The following CCDC148 variants were observed in gnomAD, a reference collection of about 807,000 sequenced individuals.
CCDC148 encodes coiled-coil domain containing 148.
Under a neutral mutation model 85.7 loss-of-function variants are expected in CCDC148, and 89 were observed. The ratio of observed to expected loss-of-function variants is 1.04; its 90% CI spans 0.87 to 1.24. The LOEUF (loss-of-function observed/expected upper bound fraction) is 1.24. CCDC148 is among the 50% of genes most tolerant of loss of function. The pLI, the probability that CCDC148 is intolerant of heterozygous loss-of-function variation, is 0.00. For synonymous variants in CCDC148, 230 were observed against 213.9 expected (o/e 1.08, Z -0.66); for missense variants, 692 against 671.7 (o/e 1.03, Z -0.33).
intron 9 of CCDC148, among the ~76,000 whole-genome samples, chr2:158,301,786 A>C (rs1391339044): frequency 6.6e-6 from 1 of 152,224 alleles, no homozygotes; most frequent in African/African-American, 2.4e-5. Context: ...TCAGGATGGA[A>C]GAGCCTTGCT....
At chr2:158,264,216 C>T (rs993763780) in intron 9 of CCDC148, among the ~76,000 whole-genome samples, 2 of 152,020 alleles carry the variant, frequency 1.3e-5, no homozygotes, top group Non-Finnish European at 2.9e-5. Context: ...AAATAGGAAA[C>T]CTTCAATGAG....
intron 9 of CCDC148, among the ~76,000 whole-genome samples, chr2:158,271,973 C>T (rs1689717206): frequency 6.6e-6 from 1 of 152,170 alleles, no homozygotes; most frequent in Non-Finnish European, 1.5e-5. Flanking sequence ...ATCCTACATC[C>T]TTTGCTTCCA....
At chr2:158,193,605 A>C (rs1378886523) in intron 11 of CCDC148, among the ~76,000 whole-genome samples, 1 of 152,098 alleles carries the variant, frequency 6.6e-6, no homozygotes, top group African/African-American at 2.4e-5. Context: ...CAAAGAATAA[A>C]AAAAGCCACA....
chr2:158,386,268 C>T (rs1685083020), intron 1 of CCDC148, among the ~76,000 whole-genome samples: 2 of 152,020 alleles, frequency 1.3e-5, no homozygotes, highest in South Asian at 2.1e-4. Context: ...TTCAAGGATG[C>T]ACATTTAGAA....
chr2:158,352,366 C>G (rs1683359782), intron 2 of CCDC148, among the ~76,000 whole-genome samples: 1 of 152,128 alleles, frequency 6.6e-6, no homozygotes, highest in Non-Finnish European at 1.5e-5. Flanking sequence ...ATAACCAACA[C>G]AGAGAACTGC....
chr2:158,306,445 T>C (rs1231400425), intron 9 of CCDC148, among the ~76,000 whole-genome samples: 15 of 151,958 alleles, frequency 9.9e-5, no homozygotes, highest in Non-Finnish European at 2.1e-4. Context: ...CCATCAATGA[T>C]AGACTGGATT....
At chr2:158,208,968 A>G (rs1207460541) in intron 11 of CCDC148, among the ~76,000 whole-genome samples, 3 of 152,048 alleles carry the variant, frequency 2.0e-5, no homozygotes, top group African/African-American at 7.2e-5. Context: ...AAAAACCCAG[A>G]TTATAAACAT....
At chr2:158,262,905 C>T (rs371141829) in intron 9 of CCDC148, among the ~76,000 whole-genome samples, 3 of 152,074 alleles carry the variant, frequency 2.0e-5, no homozygotes, top group South Asian at 2.1e-4. Context: ...AAAGAAAACT[C>T]GGATTGGCAA....
intron 2 of CCDC148, among the ~76,000 whole-genome samples, chr2:158,353,281 C>A (rs535993134): frequency 7.4e-6 from 1 of 135,754 alleles, no homozygotes; most frequent in Non-Finnish European, 1.6e-5. Context: ...CACAGACTGG[C>A]AAATTGGATA....
At chr2:158,252,508 G>A (rs1688834783) in intron 9 of CCDC148, among the ~76,000 whole-genome samples, 1 of 151,632 alleles carries the variant, frequency 6.6e-6, no homozygotes, top group Non-Finnish European at 1.5e-5. Context: ...CGTATTACCA[G>A]TGATCTACCC....
At chr2:158,330,122 C>T (rs1180305648) in intron 7 of CCDC148, among the ~76,000 whole-genome samples, 4 of 152,260 alleles carry the variant, frequency 2.6e-5, no homozygotes, top group African/African-American at 4.8e-5. Flanking sequence ...TTTGCCCATT[C>T]AGTATGATAT....
intron 1 of CCDC148, among the ~76,000 whole-genome samples, chr2:158,373,493 C>A (rs1009364722): frequency 6.6e-6 from 1 of 151,970 alleles, no homozygotes; most frequent in Non-Finnish European, 1.5e-5. Flanking sequence ...TGTGCTGTTG[C>A]CTCTCTGACC....
intron 11 of CCDC148, among the ~76,000 whole-genome samples, chr2:158,219,887 G>T (rs1374940482): frequency 6.6e-6 from 1 of 152,070 alleles, no homozygotes; most frequent in African/African-American, 2.4e-5. Context: ...CAGCCCTAGG[G>T]TATTCTTTAG....
At chr2:158,413,087 A>G (rs1313897018) in intron 1 of CCDC148, among the ~76,000 whole-genome samples, 1 of 152,120 alleles carries the variant, frequency 6.6e-6, no homozygotes, top group Admixed American at 6.5e-5. Context: ...AAGGTACTAA[A>G]ATAAACTTAC....
At chr2:158,173,771 T>C (rs1684433389) in intron 13 of CCDC148, among the ~76,000 whole-genome samples, 1 of 152,102 alleles carries the variant, frequency 6.6e-6, no homozygotes, top group South Asian at 2.1e-4. Context: ...GTCTTCTCCC[T>C]GGTCTGCTCT....
At chr2:158,286,662 TG>T (rs1366929655) in intron 9 of CCDC148, among the ~76,000 whole-genome samples, 2 of 152,052 alleles carry the variant, frequency 1.3e-5, no homozygotes, top group East Asian at 3.9e-4. Context: ...ACAAATAAAA[TG>T]GAATGGAGGG....
Position 158,340,605 on chromosome 2 carries a change from T to C in CCDC148, c.327A>G (p.Thr109=), listed in dbSNP as rs1323125059. The change falls in exon 4 of 14, where the codon ACA becomes ACG. Residue 109 remains threonine, a synonymous_variant. Transcript: ENST00000283233. ...NIGNECLCDL[T]NFEQELSEQQ... is the part of the protein sequence containing the mutation. ...GGATCAAAAAAATCTTACCAAAATT[T>C]GTAAGGTCACAAAGACATTCATTTC... 6.3e-7 allele frequency: 1 copy of C among 1,578,050 alleles called. No individual in the cohort carries two copies. Among genetic ancestry groups the C allele is most frequent in the South Asian group, 1.2e-5 (1 of 85,012 alleles).
intron 5 of CCDC148, among the ~76,000 whole-genome samples, chr2:158,339,350 T>C (rs561657668): frequency 1.8e-4 from 27 of 152,298 alleles, no homozygotes; most frequent in African/African-American, 6.0e-4. Context: ...TTCTCTGTGG[T>C]AATGCAGAGA....
intron 9 of CCDC148, among the ~76,000 whole-genome samples, chr2:158,253,582 C>A (rs529750422): frequency 1.3e-5 from 2 of 151,768 alleles, no homozygotes; most frequent in Admixed American, 1.3e-4. Context: ...CATGCATTTG[C>A]CTTCCCCTTA....
Sources: gnomAD v4.1 joint callset for allele counts (sites outside exome capture counted in the v4.1 genomes callset) on GRCh38, gnomAD v4.1.1 for gene constraint, MANE v1.5 for transcripts, NCBI Gene and HGNC (gene_info 2026-07-23, HGNC 2026-07-21) for gene names.